Variants in TMPRSS2 observed in about 807,000 individuals in gnomAD.
TMPRSS2 encodes transmembrane serine protease 2, also known as transmembrane protease serine 2.
TMPRSS2 carries 59 observed loss-of-function variants against 67.4 expected under a neutral mutation model. That is an observed-to-expected ratio of 0.88 (90% CI 0.71 to 1.09). TMPRSS2 has a LOEUF of 1.09. Among genes scored for constraint, TMPRSS2 ranks in the 50% least tolerant of loss-of-function variants. The pLI, the probability that TMPRSS2 is intolerant of heterozygous loss-of-function variation, is 0.00. For synonymous variants in TMPRSS2, 257 were observed against 257.0 expected (o/e 1.00, Z 0.00); for missense variants, 668 against 642.7 (o/e 1.04, Z -0.43).
intron 12 of TMPRSS2, 104 bp downstream of exon 12, chr21:41,468,292 G>T: frequency 6.9e-7 from 1 of 1,457,190 alleles, no homozygotes; most frequent in Non-Finnish European, 9.4e-7. Flanking sequence ...AGCTGGCTCC[G>T]TGTCACTGAG....
intron 5 of TMPRSS2, among the ~76,000 whole-genome samples, chr21:41,485,967 C>T (rs553167698): frequency 6.6e-6 from 1 of 152,312 alleles, no homozygotes; most frequent in East Asian, 1.9e-4. Flanking sequence ...TAACAGGAAA[C>T]CAGTCCCCAC....
At chr21:41,491,154 T>A (rs1183659536) in intron 3 of TMPRSS2, among the ~76,000 whole-genome samples, 2 of 59,652 alleles carry the variant, frequency 3.4e-5, no homozygotes, top group African/African-American at 3.4e-4. Context: ...GCATTGCATT[T>A]TTTTTTTTTT....
At chr21:41,496,388 G>A (rs892191666) in intron 2 of TMPRSS2, among the ~76,000 whole-genome samples, 1 of 152,314 alleles carries the variant, frequency 6.6e-6, no homozygotes, top group East Asian at 1.9e-4. Context: ...TCACAACATG[G>A]GCTGTTAGCA....
In TMPRSS2 at chr21:41,489,519, G is replaced by C. The variant is rs1201333263; in HGVS notation, c.313C>G (p.Leu105Val). Reference protein sequence around the residue: ...LVGAALAAGLLWKFMGSKCSN... With the variant: ...LVGAALAAGLVWKFMGSKCSN... Reference sequence around the variant, plus strand: ...TCCCTGCACTTACTGAACTTCCAGAGTAGGCCAGCGGCCAGCGCAGCTCCC... The same window carrying C: ...TCCCTGCACTTACTGAACTTCCAGACTAGGCCAGCGGCCAGCGCAGCTCCC... The change falls in exon 4 of 14, where the codon CTC (leucine) becomes GTC (valine). Residue 105 changes from leucine (L) to valine (V), a missense_variant. By Grantham distance (32) the Leu-to-Val change is conservative (BLOSUM62 1). Coordinates refer to ENST00000332149, the MANE Select transcript of TMPRSS2 (RefSeq NM_005656.4). 6.2e-7 allele frequency: 1 copy of C among 1,614,098 alleles called. No homozygotes were observed. Among genetic ancestry groups the C allele is most frequent in the Non-Finnish European group, 8.5e-7 (1 of 1,179,984 alleles).
In TMPRSS2 at chr21:41,478,538, A is replaced by G. The variant is rs558834486; in HGVS notation, c.683+634T>C. Among the ~76,000 whole-genome samples, 172 of 152,300 alleles carry G rather than the reference A, an allele frequency of 1.1e-3. No homozygotes were observed. The highest frequency in any genetic ancestry group is 4.0e-3 in the African/African-American group (167 of 41,550). ...AAAGCAAAAGGAAGAGCCTAAGTCC[A>G]TCCCCTCTTCTGCCCTCCCAGCCAG... is the stretch of plus-strand genomic sequence containing the variant. On this transcript the variant is annotated intron_variant, in intron 7 of 13. Transcript: ENST00000332149. This position sits in a 1 kb window ranked among gnomAD's most constrained non-coding sequence, Gnocchi z 4.0.
At chr21:41,481,481 G>C in intron 5 of TMPRSS2, among the ~76,000 whole-genome samples, 1 of 152,182 alleles carries the variant, frequency 6.6e-6, no homozygotes, top group East Asian at 1.9e-4. Flanking sequence ...CGGGCTGGGA[G>C]GAGGGATATG....
chr21:41,469,751 C>T (rs1489338933), intron 11 of TMPRSS2, among the ~76,000 whole-genome samples: 3 of 152,138 alleles, frequency 2.0e-5, no homozygotes, highest in Non-Finnish European at 4.4e-5. Flanking sequence ...TCCCCACCAC[C>T]GACATCCAGA....
At chr21:41,485,288 C>A (rs1418888174) in intron 5 of TMPRSS2, among the ~76,000 whole-genome samples, 1 of 151,944 alleles carries the variant, frequency 6.6e-6, no homozygotes, top group East Asian at 1.9e-4. Context: ...AAGAGAGCAA[C>A]TCTTCAGGTA....
At chr21:41,506,976 G>A (rs1238228634) in intron 1 of TMPRSS2, among the ~76,000 whole-genome samples, 3 of 152,154 alleles carry the variant, frequency 2.0e-5, no homozygotes, top group African/African-American at 7.2e-5. Flanking sequence ...CTGCCCACAG[G>A]GCTCACCTCG....
chr21:41,469,521 C>G (rs900509471), intron 11 of TMPRSS2, among the ~76,000 whole-genome samples: 5 of 152,148 alleles, frequency 3.3e-5, no homozygotes, highest in Admixed American at 6.5e-5. Context: ...CCCAGCCCAC[C>G]TCCTTGGCCC....
chr21:41,501,608 CAAAAA>C (rs57394908), intron 1 of TMPRSS2, among the ~76,000 whole-genome samples: 3 of 86,524 alleles, frequency 3.5e-5, no homozygotes, highest in African/African-American at 8.7e-5. Flanking sequence ...GACTCTGTCT[CAAAAA>C]AAAAAAAAAA....
In TMPRSS2 at chr21:41,507,936, T is replaced by C; in HGVS notation, c.-57+145A>G. On this transcript the variant is annotated intron_variant, in intron 1 of 13. Transcript: ENST00000332149. ...CCCGGCTGGCCCCAGCGCTCGACCC[T>C]CGGGCGCACTCACCTGCCGCGCCGC... 3 of 1,488,874 alleles carry C rather than the reference T, an allele frequency of 2.0e-6. No homozygotes were observed. The South Asian group carries it at 3.8e-5, about 19-fold the overall frequency. 92.2% of individuals were successfully genotyped at this position (1,488,874 alleles called of 1,614,324 possible). A position where few individuals can be genotyped will look rare whatever the true frequency, so the allele number is the denominator to read the frequency against.
rs929965338 is a variant in TMPRSS2, at chr21:41,491,199, C to T, written c.239-1606G>A. The stretch of plus-strand genomic sequence containing the variant: ...TTGAGACAGGGTCTTGCTTGTTGCC[C>T]GGGCTGGAATGCAGTGGCACAATCA... On this transcript the variant is annotated intron_variant, in intron 3 of 13. Coordinates refer to ENST00000332149, the MANE Select transcript of TMPRSS2 (RefSeq NM_005656.4). 1.6e-3 allele frequency among the ~76,000 whole-genome samples: 231 copies of T among 145,474 alleles called. 1 individual carries two copies. Among genetic ancestry groups the T allele is most frequent in the African/African-American group, 5.4e-3 (210 of 38,932 alleles).
chr21:41,480,907 G>A (rs1252333888), intron 5 of TMPRSS2, among the ~76,000 whole-genome samples: 3 of 152,178 alleles, frequency 2.0e-5, no homozygotes, highest in African/African-American at 7.2e-5. Flanking sequence ...CAAAGTGTTG[G>A]AATTACAGGC....
intron 2 of TMPRSS2, among the ~76,000 whole-genome samples, chr21:41,495,917 A>T (rs1348726885): frequency 1.8e-5 from 2 of 112,460 alleles, no homozygotes. Flanking sequence ...TTTAAAATTA[A>T]AAAAAAAAAA....
intron 3 of TMPRSS2, 62 bp from the exon 4 acceptor site, chr21:41,489,655 T>A (rs1181089728): frequency 9.1e-7 from 1 of 1,103,526 alleles, no homozygotes; most frequent in African/African-American, 1.6e-5. Context: ...TGCTCTCAAA[T>A]GTTATCTATT....
intron 11 of TMPRSS2, among the ~76,000 whole-genome samples, chr21:41,469,005 G>T (rs548653178): frequency 3.9e-5 from 6 of 152,068 alleles, no homozygotes; most frequent in African/African-American, 1.4e-4. Context: ...CTCAAGACAC[G>T]GCCTGCACTT....
rs558104085 is a variant in TMPRSS2 at position 41,488,291 on chromosome 21, G to A, written c.445+103C>T. The A allele has an allele frequency of 4.5e-5, 61 of 1,361,186 alleles. 1 individual carries two copies. The highest frequency in any genetic ancestry group is 1.5e-4 in the Admixed American group (8 of 53,008). The allele number at this position is 1,361,186 out of a possible 1,614,324, so 84.3% of individuals were successfully genotyped here. A position where few individuals can be genotyped will look rare whatever the true frequency, so the allele number is the denominator to read the frequency against. On this transcript the variant is annotated intron_variant, in intron 5 of 13. Coordinates refer to ENST00000332149, the MANE Select transcript of TMPRSS2 (RefSeq NM_005656.4). ...GGATTCAATGACATCATGTGTCAGC[G>A]TACTGGACGCACGCCAGGCCCAGTC...
rs998316320 is a variant in TMPRSS2, at chr21:41,483,731, T to C, written c.446-3129A>G. Reference sequence around the variant, plus strand: ...TGCACCCGGAAGAGACGGCAGCTGATAAGCCAGAGAGCTGGAAAAGGTCTC... The same window carrying C: ...TGCACCCGGAAGAGACGGCAGCTGACAAGCCAGAGAGCTGGAAAAGGTCTC... On this transcript the variant is annotated intron_variant, in intron 5 of 13. Coordinates refer to ENST00000332149, the MANE Select transcript of TMPRSS2 (RefSeq NM_005656.4). Among the ~76,000 whole-genome samples the C allele has an allele frequency of 5.3e-5, 8 of 151,180 alleles. No homozygotes were observed. In the East Asian group the frequency reaches 1.5e-3, roughly 29 times the overall value.
Sources: allele counts gnomAD v4.1 joint callset (sites outside exome capture counted in the v4.1 genomes callset), GRCh38; gene constraint gnomAD v4.1.1; non-coding constraint Gnocchi (gnomAD v3.1); transcripts MANE v1.5; gene names NCBI Gene and HGNC (gene_info 2026-07-23, HGNC 2026-07-21).